Variants in ST3GAL3 observed in about 807,000 individuals in gnomAD.
ST3GAL3 encodes CMP-N-acetylneuraminate-beta-1,4-galactoside alpha-2,3-sialyltransferase.
Under a neutral mutation model 50.1 loss-of-function variants are expected in ST3GAL3, and 21 were observed. The observed-to-expected ratio is 0.42, with a 90% CI of 0.30 to 0.60. The LOEUF (loss-of-function observed/expected upper bound fraction) is 0.60, where lower values mean the gene tolerates loss of function less well. Among genes scored for constraint, ST3GAL3 ranks in the 20% least tolerant of loss-of-function variants. ST3GAL3 has a pLI of 0.19. For missense variants in ST3GAL3, 353 were observed against 489.4 expected (o/e 0.72, Z 2.63); for synonymous variants, 183 against 190.0 (o/e 0.96, Z 0.30).
At chr1:43,909,051 C>T (rs1224274908) in intron 9 of ST3GAL3, among the ~76,000 whole-genome samples, 4 of 152,234 alleles carry the variant, frequency 2.6e-5, no homozygotes, top group African/African-American at 9.6e-5. Flanking sequence ...AGATGCTCCT[C>T]TTCTTATAAG....
chr1:43,865,599 CA>C (rs924790712), intron 5 of ST3GAL3, among the ~76,000 whole-genome samples: 19 of 152,164 alleles, frequency 1.2e-4, no homozygotes, highest in African/African-American at 4.3e-4. Flanking sequence ...GACATGAAAA[CA>C]AAATTAGAGA....
chr1:43,735,473 G>C (rs1055332791), intron 1 of ST3GAL3, among the ~76,000 whole-genome samples: 4 of 152,202 alleles, frequency 2.6e-5, no homozygotes, highest in African/African-American at 4.8e-5. Flanking sequence ...GCATGAAAAG[G>C]ACTGTAGGCC....
chr1:43,821,119 C>T (rs2062034457), intron 4 of ST3GAL3, among the ~76,000 whole-genome samples: 1 of 152,122 alleles, frequency 6.6e-6, no homozygotes, highest in Admixed American at 6.5e-5. Context: ...GACATAGACA[C>T]AGCCTTATAA....
chr1:43,810,234 G>A (rs2060396863), intron 3 of ST3GAL3, among the ~76,000 whole-genome samples: 1 of 152,066 alleles, frequency 6.6e-6, no homozygotes, highest in Non-Finnish European at 1.5e-5. Context: ...GCCAAACACA[G>A]GAAAGATGAT....
Position 43,803,924 on chromosome 1 carries a change from T to C in ST3GAL3, c.167-10967T>C, listed in dbSNP as rs534612647. 2.0e-5 allele frequency among the ~76,000 whole-genome samples: 3 copies of C among 152,326 alleles called. No individual in the cohort carries two copies. In the East Asian group the frequency reaches 5.8e-4, roughly 29 times the overall value. On this transcript the variant is annotated intron_variant, in intron 3 of 11. Transcript: ENST00000347631. ...GTCAGTGATTTTTGTAATCCTGGGC[T>C]TTCCAGCCTGGCCAAAGCAGGAAGC...
At chr1:43,848,556 C>T (rs935602325) in intron 5 of ST3GAL3, among the ~76,000 whole-genome samples, 1 of 151,964 alleles carries the variant, frequency 6.6e-6, no homozygotes, top group African/African-American at 2.4e-5. Context: ...CCACATGCCT[C>T]GGCCTCCCAA....
At chr1:43,771,134 T>A (rs2154132361) in intron 2 of ST3GAL3, among the ~76,000 whole-genome samples, 1 of 152,372 alleles carries the variant, frequency 6.6e-6, no homozygotes, top group East Asian at 1.9e-4. Context: ...TTGAACATTT[T>A]CATCCTCTAT....
At chr1:43,744,927 G>A (rs529601678) in intron 2 of ST3GAL3, among the ~76,000 whole-genome samples, 7 of 151,118 alleles carry the variant, frequency 4.6e-5, no homozygotes, top group African/African-American at 1.7e-4. Flanking sequence ...GGAGACAGAG[G>A]TTGCAGTGAG....
intron 9 of ST3GAL3, chr1:43,913,405 AAG>A (rs1418573692): frequency 6.6e-6 from 1 of 152,192 alleles, no homozygotes; most frequent in African/African-American, 2.4e-5. Flanking sequence ...TTGAGGCTTA[AAG>A]AGAGGACACA....
intron 2 of ST3GAL3, among the ~76,000 whole-genome samples, chr1:43,781,192 G>A (rs1241924720): frequency 6.6e-6 from 1 of 152,178 alleles, no homozygotes; most frequent in Non-Finnish European, 1.5e-5. Context: ...TGAACATGCA[G>A]TCGTTTCTGT....
chr1:43,882,824 G>A (rs538459762), intron 5 of ST3GAL3, among the ~76,000 whole-genome samples: 1 of 152,218 alleles, frequency 6.6e-6, no homozygotes, highest in Middle Eastern at 3.4e-3. Flanking sequence ...GGGCTTGCAT[G>A]GTTTGTATAG....
chr1:43,921,887 C>G, intron 11 of ST3GAL3: 1 of 397,872 alleles, frequency 2.5e-6, no homozygotes, highest in Non-Finnish European at 4.4e-6. Context: ...TCAAGGTCAC[C>G]ACCTCAAGGT....
At chr1:43,756,965 C>T (rs1300034056) in intron 2 of ST3GAL3, among the ~76,000 whole-genome samples, 1 of 152,094 alleles carries the variant, frequency 6.6e-6, no homozygotes, top group South Asian at 2.1e-4. Flanking sequence ...AGTGCAGTGG[C>T]GTGATCTCAG....
At chr1:43,900,882 T>A (rs1183962544) in intron 9 of ST3GAL3, 2 of 152,236 alleles carry the variant, frequency 1.3e-5, no homozygotes, top group Non-Finnish European at 2.9e-5. Context: ...CCAGACTGGA[T>A]GAGACACCTG....
intron 5 of ST3GAL3, among the ~76,000 whole-genome samples, chr1:43,880,780 G>A (rs2074981049): frequency 6.6e-6 from 1 of 152,200 alleles, no homozygotes; most frequent in Non-Finnish European, 1.5e-5. Flanking sequence ...ATTACCAGAA[G>A]CAATGCGGTT....
rs527744663 is a variant in ST3GAL3, at chr1:43,795,519, A to G, written c.166+3370A>G. On this transcript the variant is annotated intron_variant, in intron 3 of 11. Coordinates refer to ENST00000347631, the MANE Select transcript of ST3GAL3 (RefSeq NM_006279.5). Reference sequence around the variant, plus strand: ...TGCATCAAGCCTAAAAGGGAATGGTAACCAGGCAAGAGCTGGGTAGAGGTC... The same window carrying G: ...TGCATCAAGCCTAAAAGGGAATGGTGACCAGGCAAGAGCTGGGTAGAGGTC... Among the ~76,000 whole-genome samples the G allele has an allele frequency of 2.6e-5, 4 of 152,344 alleles. No individual in the cohort carries two copies. In the East Asian group the frequency reaches 7.7e-4, roughly 29 times the overall value.
intron 5 of ST3GAL3, among the ~76,000 whole-genome samples, chr1:43,875,944 CTTCTTCTTATTATTATTA>C (rs759543756): frequency 0.019 from 946 of 48,990 alleles, 5 homozygotes; most frequent in Non-Finnish European, 0.03. Flanking sequence ...TCTTCTTCTT[CTTCTTCTTATTATTATTA>C]TTATTATTAT....
At chr1:43,924,778 C>T (rs1481369028) in intron 11 of ST3GAL3, among the ~76,000 whole-genome samples, 3 of 152,220 alleles carry the variant, frequency 2.0e-5, no homozygotes, top group Admixed American at 1.3e-4. Context: ...GGTGATGAGA[C>T]AGACTCAAGA....
chr1:43,904,902 TCC>T (rs2078962000), intron 9 of ST3GAL3, among the ~76,000 whole-genome samples: 3 of 28,864 alleles, frequency 1.0e-4, no homozygotes, highest in South Asian at 1.3e-3. Context: ...TTCCTCCCCC[TCC>T]TCCTGCTCCT....
Sources: gnomAD v4.1 joint callset for allele counts (sites outside exome capture counted in the v4.1 genomes callset) on GRCh38, gnomAD v4.1.1 for gene constraint, MANE v1.5 for transcripts, NCBI Gene and HGNC (gene_info 2026-07-23, HGNC 2026-07-21) for gene names.